The following CNGB1 variants were observed in gnomAD, a reference collection of about 807,000 sequenced individuals.
CNGB1 encodes the protein cyclic nucleotide gated channel subunit beta 1.
Under a neutral mutation model 151.7 loss-of-function variants are expected in CNGB1, and 126 were observed. The ratio of observed to expected loss-of-function variants is 0.83; its 90% CI spans 0.72 to 0.96. CNGB1 has a LOEUF of 0.96. CNGB1 is among the 40% of genes least tolerant of loss of function. The pLI is 0.00. For synonymous variants in CNGB1, 623 were observed against 635.1 expected, an observed-to-expected ratio of 0.98 and a Z score of 0.29; for missense variants, 1,698 against 1,627.0, an observed-to-expected ratio of 1.04 and a Z score of -0.75.
At chr16:57,938,526 T>C (rs2149375490) in intron 16 of CNGB1, among the ~76,000 whole-genome samples, 1 of 152,280 alleles carries the variant, frequency 6.6e-6, no homozygotes, top group Non-Finnish European at 1.5e-5. Context: ...TAGGTACTAT[T>C]ATTGCCCCTT....
intron 14 of CNGB1, 46 bp downstream of exon 14, chr16:57,949,307 A>C: frequency 6.2e-7 from 1 of 1,602,346 alleles, no homozygotes; most frequent in East Asian, 2.2e-5. Context: ...AGCTCAGCCA[A>C]CCCCAGCCCC....
At chr16:57,905,590 T>C (rs1359563076) in intron 25 of CNGB1, among the ~76,000 whole-genome samples, 1 of 152,216 alleles carries the variant, frequency 6.6e-6, no homozygotes, top group Non-Finnish European at 1.5e-5. Context: ...TCCCCCGAAA[T>C]TCAGGCATTG....
At chr16:57,889,126 C>T (rs1345416238) in intron 31 of CNGB1, among the ~76,000 whole-genome samples, 1 of 152,150 alleles carries the variant, frequency 6.6e-6, no homozygotes, top group Non-Finnish European at 1.5e-5. Context: ...CTCTGTCTTG[C>T]AAGGGGACTC....
chr16:57,955,273 T>C, intron 12 of CNGB1: 2 of 1,550,440 alleles, frequency 1.3e-6, no homozygotes, highest in South Asian at 2.4e-5. Context: ...AGGTCTTCTC[T>C]TCAGGGCATC....
At chr16:57,915,478 G>A (rs1296346834) in intron 22 of CNGB1, 143 bp from the exon 23 acceptor site, 4 of 709,316 alleles carry the variant, frequency 5.6e-6, no homozygotes, top group Non-Finnish European at 1.0e-5. Flanking sequence ...AGGGCAGAAG[G>A]TGTCCCACCG....
In CNGB1 at chr16:57,960,850, T is replaced by C. The variant is rs994395352; in HGVS notation, c.524A>G (p.Lys175Arg). ...NLERVLPQPP[K>R]SSEVWRDEPA... is the part of the protein sequence containing the mutation. ...CCTTCCTTGGCTCACCTCAGAGGAT[T>C]TGGGGGGCTGAGGAAGCACTCTTTC... is the stretch of plus-strand genomic sequence containing the variant. The change falls in exon 8 of 33, where the codon AAA (lysine) becomes AGA (arginine). Residue 175 changes from lysine (K) to arginine (R), a missense_variant. Transcript: ENST00000251102. The C allele has an allele frequency of 7.4e-6, 12 of 1,613,650 alleles. No individual in the cohort carries two copies. In the African/African-American group the frequency reaches 1.1e-4, roughly 14 times the overall value.
chr16:57,968,087 CAA>C (rs1159198156), intron 1 of CNGB1, among the ~76,000 whole-genome samples: 4 of 152,196 alleles, frequency 2.6e-5, no homozygotes, highest in African/African-American at 4.8e-5. Context: ...GCTCTGAAGT[CAA>C]GTCATGAGCA....
At chr16:57,924,944 C>T (rs923252565) in intron 17 of CNGB1, among the ~76,000 whole-genome samples, 12 of 152,144 alleles carry the variant, frequency 7.9e-5, no homozygotes, top group African/African-American at 2.9e-4. Context: ...TGCCATGCTG[C>T]CTGTACAGTC....
At chr16:57,888,460 T>C (rs1959997707) in intron 31 of CNGB1, among the ~76,000 whole-genome samples, 1 of 146,786 alleles carries the variant, frequency 6.8e-6, no homozygotes. Flanking sequence ...TCTCTGTCTC[T>C]GTCTCTGTCT....
intron 14 of CNGB1, among the ~76,000 whole-genome samples, chr16:57,947,267 G>T (rs1476000902): frequency 6.6e-6 from 1 of 152,168 alleles, no homozygotes; most frequent in Non-Finnish European, 1.5e-5. Context: ...GCCTTCAAAG[G>T]GTGTCTCAGA....
intron 31 of CNGB1, among the ~76,000 whole-genome samples, chr16:57,891,438 C>G (rs912581538): frequency 3.3e-5 from 5 of 152,034 alleles, no homozygotes; most frequent in Non-Finnish European, 7.4e-5. Context: ...CCCAGGAGTT[C>G]GAGGCTGCAG....
chr16:57,907,983 G>T (rs1158432088), intron 25 of CNGB1, among the ~76,000 whole-genome samples: 4 of 152,192 alleles, frequency 2.6e-5, no homozygotes, highest in African/African-American at 9.6e-5. Flanking sequence ...CCACCTCCTG[G>T]GTTCCAGCGA....
chr16:57,908,161 G>T (rs1486250953), intron 25 of CNGB1, among the ~76,000 whole-genome samples: 1 of 152,234 alleles, frequency 6.6e-6, no homozygotes, highest in Non-Finnish European at 1.5e-5. Flanking sequence ...AAAGTGCCGG[G>T]ATTACAGATA....
chr16:57,911,616 G>T, intron 25 of CNGB1, 137 bp downstream of exon 25: 1 of 1,221,608 alleles, frequency 8.2e-7, no homozygotes, highest in Non-Finnish European at 1.2e-6. Context: ...GCCTTGTCAT[G>T]CCAGTGATTG....
At chr16:57,911,490 T>C (rs1960708513) in intron 25 of CNGB1, among the ~76,000 whole-genome samples, 1 of 152,174 alleles carries the variant, frequency 6.6e-6, no homozygotes, top group South Asian at 2.1e-4. Flanking sequence ...GGTTTTACCA[T>C]GTTGGCCAGG....
Position 57,913,079 on chromosome 16 carries a change from C to T in CNGB1, c.2305-85G>A, listed in dbSNP as rs780049193. ...CGCCCACGGGCGCCGAGACTCAGGG[C>T]TCTTCCTGCAGCCCCCAGGAGGGAA... On this transcript the variant is annotated intron_variant, in intron 23 of 32. Transcript: ENST00000251102. 3.5e-5 allele frequency: 45 copies of T among 1,273,544 alleles called. No homozygotes were observed. The African/African-American group carries it at 6.2e-4, about 17-fold the overall frequency. The allele number at this position is 1,273,544 out of a possible 1,614,324, so 78.9% of individuals were successfully genotyped here.
intron 25 of CNGB1, 122 bp from the exon 26 acceptor site, chr16:57,904,997 T>A: frequency 7.7e-7 from 1 of 1,295,358 alleles, no homozygotes; most frequent in Non-Finnish European, 1.1e-6. Flanking sequence ...CCTTTACAGC[T>A]CATCTATGCA....
At chr16:57,936,450 T>TAA (rs1387560378) in intron 16 of CNGB1, among the ~76,000 whole-genome samples, 1 of 152,230 alleles carries the variant, frequency 6.6e-6, no homozygotes, top group African/African-American at 2.4e-5. Flanking sequence ...AGGTTTTACC[T>TAA]GTATAAAAAC....
chr16:57,926,950 G>A (rs1426754922), intron 17 of CNGB1, among the ~76,000 whole-genome samples: 4 of 151,866 alleles, frequency 2.6e-5, no homozygotes, highest in Non-Finnish European at 5.9e-5. Flanking sequence ...ATTCCTGCCT[G>A]GGCAACAGGC....
Sources: gnomAD v4.1 joint callset for allele counts (sites outside exome capture counted in the v4.1 genomes callset) on GRCh38, gnomAD v4.1.1 for gene constraint, MANE v1.5 for transcripts, NCBI Gene and HGNC (gene_info 2026-07-23, HGNC 2026-07-21) for gene names.